CFAP97D2: variants seen among roughly 807,000 people sequenced by gnomAD.
CFAP97D2 encodes the protein uncharacterized protein CFAP97D2.
chr13:114,206,392 C>T (rs1045397203), intron 3 of CFAP97D2, among the ~76,000 whole-genome samples: 19 of 152,300 alleles, frequency 1.2e-4, no homozygotes, highest in Admixed American at 9.8e-4. Flanking sequence ...CGTGAGCCAC[C>T]GCTCCTGGCC....
rs559115335 is a variant in CFAP97D2, at chr13:114,206,966, G to A, written c.291-4946G>A. ...TGTATGGGATCAGGGAGGAGTTCTT[G>A]CCTTAAAGGGACAGGCATTGAAATG... On this transcript the variant is annotated intron_variant, in intron 3 of 4. Coordinates refer to ENST00000646158, the Ensembl canonical transcript of CFAP97D2. Among the ~76,000 whole-genome samples the A allele has an allele frequency of 4.6e-5, 7 of 152,308 alleles. No homozygotes were observed. The East Asian group carries it at 1.4e-3, about 29-fold the overall frequency.
In CFAP97D2 at chr13:114,211,857, G is replaced by A; in HGVS notation, c.291-55G>A. On this transcript the variant is annotated intron_variant, in intron 3 of 4. Transcript: ENST00000646158. The surrounding 1 kb of genome is among the most constrained non-coding windows in gnomAD (Gnocchi z 4.2). The stretch of plus-strand genomic sequence containing the variant: ...CTGGAGCCTGTTGGCCCTGTGGAGG[G>A]AATGGCAGCCTTAATAAAATCCAAA... The A allele has an allele frequency of 2.5e-6, 1 of 398,464 alleles. No individual in the cohort carries two copies. Among genetic ancestry groups the A allele is most frequent in the East Asian group, 3.6e-5 (1 of 28,074 alleles). 24.7% of individuals were successfully genotyped at this position (398,464 alleles called of 1,614,324 possible).
chr13:114,221,591 T>C (rs541352089), intron 4 of CFAP97D2, among the ~76,000 whole-genome samples: 1 of 152,292 alleles, frequency 6.6e-6, no homozygotes, highest in South Asian at 2.1e-4. Context: ...AAAGGTAGAT[T>C]ACAATAAGGA....
intron 1 of CFAP97D2, among the ~76,000 whole-genome samples, chr13:114,192,263 A>G (rs549761669): frequency 2.0e-5 from 3 of 152,270 alleles, no homozygotes; most frequent in African/African-American, 7.2e-5. Flanking sequence ...AGGTTCATCG[A>G]TTGTAACAAA....
At position 114,182,484 on chromosome 13, in the gene CFAP97D2, C is replaced by T. The variant is rs192751044; in HGVS notation, c.90+3064C>T. Reference sequence around the variant, plus strand: ...TTTACTAATCCACCTCAGCACAGACCCTTTACCGGTGTCGGGCTGGGGTAC... The same window carrying T: ...TTTACTAATCCACCTCAGCACAGACTCTTTACCGGTGTCGGGCTGGGGTAC... On this transcript the variant is annotated intron_variant, in intron 1 of 4. Transcript: ENST00000646158. 1.4e-4 allele frequency among the ~76,000 whole-genome samples: 21 copies of T among 151,896 alleles called. No individual in the cohort carries two copies. The South Asian group carries it at 2.5e-3, about 18-fold the overall frequency.
At position 114,211,195 on chromosome 13, in the gene CFAP97D2, A is replaced by G. The variant is rs2138782163; in HGVS notation, c.291-717A>G. Among the ~76,000 whole-genome samples, 1 of 152,094 alleles carries G rather than the reference A, an allele frequency of 6.6e-6. No individual in the cohort carries two copies. Among genetic ancestry groups the G allele is most frequent in the East Asian group, 1.9e-4 (1 of 5,142 alleles). On this transcript the variant is annotated intron_variant, in intron 3 of 4. Coordinates refer to ENST00000646158, the Ensembl canonical transcript of CFAP97D2. This position sits in a 1 kb window ranked among gnomAD's most constrained non-coding sequence, Gnocchi z 4.2. The stretch of plus-strand genomic sequence containing the variant: ...ACAGCCAGGGTCAAACCCCTACTCT[A>G]GGCGCTTCCGCAGCCCCCCATGGCT...
At chr13:114,219,962 A>C (rs2081012860) in intron 4 of CFAP97D2, among the ~76,000 whole-genome samples, 1 of 151,862 alleles carries the variant, frequency 6.6e-6, no homozygotes, top group Non-Finnish European at 1.5e-5. Context: ...TGGAACGTGA[A>C]TGCGTCTCTC....
intron 1 of CFAP97D2, among the ~76,000 whole-genome samples, chr13:114,181,951 A>C (rs550421645): frequency 6.6e-6 from 1 of 152,096 alleles, no homozygotes; most frequent in African/African-American, 2.4e-5. Context: ...GGGTATTTCT[A>C]GTCGGGTGGG....
chr13:114,218,611 A>T lies in CFAP97D2; in HGVS notation c.481-3887A>T, dbSNP rs572291829. Among the ~76,000 whole-genome samples, 3 of 152,350 alleles carry T rather than the reference A, an allele frequency of 2.0e-5. No homozygotes were observed. In the South Asian group the frequency reaches 6.2e-4, roughly 32 times the overall value. ...AGAACAAAGCTGGAGGCATCATGTT[A>T]CCTGACTTCAAACTATACTACAAGG... is the stretch of plus-strand genomic sequence containing the variant. On this transcript the variant is annotated intron_variant, in intron 4 of 4. Transcript: ENST00000646158.
intron 1 of CFAP97D2, among the ~76,000 whole-genome samples, chr13:114,181,928 C>A (rs1020106705): frequency 1.2e-4 from 19 of 152,074 alleles, no homozygotes; most frequent in Non-Finnish European, 2.6e-4. Flanking sequence ...GTGGCCTGCC[C>A]CTCCACACCT....
At chr13:114,202,698 A>C (rs1025399503) in intron 3 of CFAP97D2, among the ~76,000 whole-genome samples, 17 of 152,176 alleles carry the variant, frequency 1.1e-4, no homozygotes, top group African/African-American at 4.1e-4. Context: ...GCTGAGACTA[A>C]ATCCCAGGTG....
intron 1 of CFAP97D2, among the ~76,000 whole-genome samples, chr13:114,183,262 G>C (rs539887034): frequency 6.6e-6 from 1 of 152,228 alleles, no homozygotes; most frequent in African/African-American, 2.4e-5. Flanking sequence ...TGCCTCCCGG[G>C]TTCCAGCGAT....
At chr13:114,201,125 A>G (rs1471592715) in intron 3 of CFAP97D2, among the ~76,000 whole-genome samples, 1 of 152,100 alleles carries the variant, frequency 6.6e-6, no homozygotes, top group Non-Finnish European at 1.5e-5. Context: ...CACCTTATAA[A>G]TGCTTGACTG....
chr13:114,204,546 G>A (rs2138774604), intron 3 of CFAP97D2, among the ~76,000 whole-genome samples: 1 of 152,300 alleles, frequency 6.6e-6, no homozygotes, highest in African/African-American at 2.4e-5. Context: ...TATAATCAAT[G>A]TATTTTCAAC....
At chr13:114,195,473 C>G (rs1594515899) in intron 1 of CFAP97D2, among the ~76,000 whole-genome samples, 1 of 152,310 alleles carries the variant, frequency 6.6e-6, no homozygotes, top group East Asian at 1.9e-4. Flanking sequence ...TCTTCCTCCA[C>G]TGGGGAGTTT....
intron 4 of CFAP97D2, among the ~76,000 whole-genome samples, chr13:114,218,125 C>A (rs1316341658): frequency 6.6e-6 from 1 of 152,206 alleles, no homozygotes; most frequent in African/African-American, 2.4e-5. Context: ...ATTTAGAAAA[C>A]CCCATCATCT....
chr13:114,216,864 A>G (rs1352879680), intron 4 of CFAP97D2, among the ~76,000 whole-genome samples: 2 of 152,236 alleles, frequency 1.3e-5, no homozygotes, highest in African/African-American at 4.8e-5. Context: ...AGGAATTGCC[A>G]CACTGTCTTC....
chr13:114,194,375 G>C (rs2080878595), intron 1 of CFAP97D2, among the ~76,000 whole-genome samples: 1 of 152,194 alleles, frequency 6.6e-6, no homozygotes, highest in Non-Finnish European at 1.5e-5. Context: ...GCAAAATCCA[G>C]ACTCAGAAAC....
chr13:114,201,142 C>T (rs1373026613), intron 3 of CFAP97D2, among the ~76,000 whole-genome samples: 2 of 152,118 alleles, frequency 1.3e-5, no homozygotes, highest in African/African-American at 4.8e-5. Flanking sequence ...ACTGTGAATC[C>T]TAAAAGCCTC....
Sources: gnomAD v4.1 joint callset for allele counts (sites outside exome capture counted in the v4.1 genomes callset) on GRCh38, gnomAD v4.1.1 for gene constraint, Gnocchi (gnomAD v3.1) non-coding constraint, MANE v1.5 for transcripts, NCBI Gene and HGNC (gene_info 2026-07-23, HGNC 2026-07-21) for gene names.